The following PHKA1 variants were observed in gnomAD, a reference collection of about 807,000 sequenced individuals.
The protein encoded by PHKA1 is phosphorylase b kinase regulatory subunit alpha, skeletal muscle isoform.
Under a neutral mutation model 110.2 loss-of-function variants are expected in PHKA1, and 60 were observed. That is an observed-to-expected ratio of 0.54 (90% CI 0.44 to 0.68). PHKA1 has a LOEUF of 0.68. PHKA1 is among the 30% of genes least tolerant of loss of function. PHKA1 has a pLI of 0.00. For synonymous variants in PHKA1, 316 were observed against 333.6 expected, an observed-to-expected ratio of 0.95 and a Z score of 0.58; for missense variants, 801 against 942.5, an observed-to-expected ratio of 0.85 and a Z score of 1.97.
rs782224272 is a variant in PHKA1, at chrX:72,652,623, G to A, written c.1166C>T (p.Thr389Ile). The change falls in exon 12 of 32, where the codon ACT becomes ATT. Residue 389 changes from threonine (T) to isoleucine (I), a missense_variant. Physicochemically the swap from Thr to Ile is moderately conservative, Grantham distance 89 (BLOSUM62 -1). Around this residue, in one of 2 missense-constraint regions of PHKA1, gnomAD observed 299 missense variants for 423.3 expected, o/e 0.71. Transcript: ENST00000373542. ...TTTCCCCATGGGGACTCGGTCCACA[G>A]TGTGAGGATTCTGATATTCTTCATC... ...RVDEEYQNPH[T>I]VDRVPMGKLP... 1.2e-5 allele frequency: 14 copies of A among 1,177,581 alleles called. No individual in the cohort carries two copies. The South Asian group carries it at 2.1e-4, about 18-fold the overall frequency.
At position 72,713,933 on chromosome X, in the gene PHKA1, C is replaced by T. The variant is rs2147856208; in HGVS notation, c.-53G>A. On this transcript the variant is annotated 5_prime_UTR_variant, in exon 1 of 32. Coordinates refer to ENST00000373542, the MANE Select transcript of PHKA1 (RefSeq NM_002637.4). ...GAAATAGCCCGGGTGCCACCGGAGC[C>T]TTCGGTCCCTAAGGAACAAGTATCC... 1.1e-6 allele frequency: 1 copy of T among 921,198 alleles called. No homozygotes were observed. The highest frequency in any genetic ancestry group is 3.1e-5 in the East Asian group (1 of 31,762). 75.9% of individuals were successfully genotyped at this position (921,198 alleles called of 1,213,427 possible). A position where few individuals can be genotyped will look rare whatever the true frequency, so the allele number is the denominator to read the frequency against.
At chrX:72,710,454 C>T (rs1556334101) in intron 2 of PHKA1, among the ~76,000 whole-genome samples, 1 of 112,112 alleles carries the variant, frequency 8.9e-6, no homozygotes, top group Non-Finnish European at 1.9e-5. Flanking sequence ...GCACCACAAT[C>T]ACAGAGCTGA....
chrX:72,646,850 G>T (rs1049844589), intron 13 of PHKA1, among the ~76,000 whole-genome samples: 4 of 111,263 alleles, frequency 3.6e-5, no homozygotes, highest in African/African-American at 1.3e-4. Context: ...TTACTACAGG[G>T]CCAGGCGCTG....
In PHKA1 at chrX:72,627,505, T is replaced by C. The variant is rs1392225201; in HGVS notation, c.1715-456A>G. ...AAGCTAACAATTACCTGATTTTATG[T>C]GGAAGTAATCATACTACATATACTC... is the stretch of plus-strand genomic sequence containing the variant. On this transcript the variant is annotated intron_variant, in intron 16 of 31. Coordinates refer to ENST00000373542, the MANE Select transcript of PHKA1 (RefSeq NM_002637.4). Among the ~76,000 whole-genome samples, 19 of 112,445 alleles carry C rather than the reference T, an allele frequency of 1.7e-4. No individual in the cohort carries two copies. The Admixed American group carries it at 1.8e-3, about 11-fold the overall frequency.
rs2054261382 is a variant in PHKA1, at chrX:72,705,061, A to G, written c.285+137T>C. On this transcript the variant is annotated intron_variant, in intron 3 of 31. Coordinates refer to ENST00000373542, the MANE Select transcript of PHKA1 (RefSeq NM_002637.4). ...TTATGGGTGACATTATCCCTCTCCAATTTTCAAAATTTTCTAAAATTAGTG... is the reference window on the plus strand; with the variant it reads ...TTATGGGTGACATTATCCCTCTCCAGTTTTCAAAATTTTCTAAAATTAGTG... 2.8e-5 allele frequency: 13 copies of G among 466,398 alleles called. No individual in the cohort carries two copies. In the Admixed American group the frequency reaches 2.9e-4, roughly 11 times the overall value. The allele number at this position is 466,398 out of a possible 1,213,427, so 38.4% of individuals were successfully genotyped here.
intron 9 of PHKA1, 34 bp downstream of exon 9, chrX:72,657,554 T>A: frequency 8.9e-7 from 1 of 1,117,603 alleles, no homozygotes; most frequent in Non-Finnish European, 1.2e-6. Context: ...GTGGCCATTC[T>A]ACCTTGGATT....
intron 3 of PHKA1, among the ~76,000 whole-genome samples, chrX:72,701,844 A>T (rs1027272800): frequency 3.6e-5 from 4 of 112,417 alleles, no homozygotes; most frequent in Non-Finnish European, 5.6e-5. Flanking sequence ...AAGTATAATA[A>T]GCAAACCAGT....
chrX:72,647,129 C>CA (rs371176636), intron 13 of PHKA1, among the ~76,000 whole-genome samples: 416 of 80,545 alleles, frequency 5.2e-3, no homozygotes, highest in African/African-American at 0.01. Flanking sequence ...GACTCCATCT[C>CA]AAAAAAAAAA....
intron 30 of PHKA1, 122 bp from the exon 31 acceptor site, chrX:72,582,720 T>C: frequency 1.9e-6 from 1 of 533,089 alleles, no homozygotes; most frequent in Non-Finnish European, 3.4e-6. Context: ...CCCTTCAAAA[T>C]AACTGAGTGA....
In PHKA1 at chrX:72,605,552, T is replaced by C. The variant is rs782179738; in HGVS notation, c.2674A>G (p.Ile892Val). Residue 892 changes from isoleucine (I) to valine (V), a missense_variant, in exon 24 of 32, where the codon ATC (isoleucine) becomes GTC (valine). Ile to Val is a conservative substitution (Grantham distance 29). Coordinates refer to ENST00000373542, the MANE Select transcript of PHKA1 (RefSeq NM_002637.4). The part of the protein sequence containing the change: ...EASEGDMSIS[I>V]LTQEIMVYLA... ...ACAATTCTTCTCACCTGTGTAAGGA[T>C]TGAAATGCTCATATCCCCTTCACTG... The C allele has an allele frequency of 1.6e-5, 19 of 1,202,793 alleles. No homozygotes were observed. Among genetic ancestry groups the C allele is most frequent in the Admixed American group, 2.2e-5 (1 of 45,747 alleles).
chrX:72,623,674 T>C (rs964199545), intron 17 of PHKA1, among the ~76,000 whole-genome samples: 8 of 110,674 alleles, frequency 7.2e-5, no homozygotes, highest in Non-Finnish European at 1.3e-4. Flanking sequence ...CATTTGAACA[T>C]AAAGGATGGT....
intron 8 of PHKA1, among the ~76,000 whole-genome samples, chrX:72,659,623 G>A (rs1556303205): frequency 8.9e-6 from 1 of 111,838 alleles, no homozygotes; most frequent in African/African-American, 3.3e-5. Context: ...TTCCCTATGT[G>A]TAACAGTGAG....
intron 6 of PHKA1, among the ~76,000 whole-genome samples, chrX:72,669,372 G>A (rs1400210132): frequency 1.8e-5 from 2 of 110,658 alleles, no homozygotes; most frequent in Middle Eastern, 8.4e-3. Flanking sequence ...TGTTGTTGTT[G>A]TTGTTTTTAA....
intron 28 of PHKA1, among the ~76,000 whole-genome samples, chrX:72,595,234 G>A (rs782132194): frequency 9.0e-6 from 1 of 110,875 alleles, no homozygotes; most frequent in South Asian, 3.9e-4. Context: ...AACAAAATTC[G>A]ACACACCTTC....
chrX:72,605,601 C>T lies in PHKA1; in HGVS notation c.2625G>A (p.Ala875=), dbSNP rs781930090. The T allele has an allele frequency of 1.0e-5, 12 of 1,201,682 alleles. No homozygotes were observed. The highest frequency in any genetic ancestry group is 2.2e-5 in the Admixed American group (1 of 45,744). ...TGGCTTCATCTATCAGCTGAGTGAGCGCCTCATAGGGCAGAGGTCTAAGGA... is the reference window on the plus strand; with the variant it reads ...TGGCTTCATCTATCAGCTGAGTGAGTGCCTCATAGGGCAGAGGTCTAAGGA... ...KTISAPLPYE[A]LTQLIDEASE... Residue 875 remains alanine (A), a synonymous_variant, in exon 24 of 32, where the codon GCG becomes GCA. Coordinates refer to ENST00000373542, the MANE Select transcript of PHKA1 (RefSeq NM_002637.4).
At chrX:72,606,971 G>GAACT (rs2147683732) in intron 23 of PHKA1, among the ~76,000 whole-genome samples, 1 of 111,659 alleles carries the variant, frequency 9.0e-6, no homozygotes, top group East Asian at 2.8e-4. Flanking sequence ...GAGAACATGT[G>GAACT]AACTTTGTCT....
At chrX:72,666,684 T>C (rs782029093) in intron 7 of PHKA1, among the ~76,000 whole-genome samples, 1 of 111,906 alleles carries the variant, frequency 8.9e-6, no homozygotes, top group Non-Finnish European at 1.9e-5. Flanking sequence ...GTTGCTCCAT[T>C]AGCAACTACT....
At chrX:72,598,528 T>C (rs781826082) in intron 28 of PHKA1, among the ~76,000 whole-genome samples, 1 of 111,630 alleles carries the variant, frequency 9.0e-6, no homozygotes, top group Non-Finnish European at 1.9e-5. Flanking sequence ...TGAAAACATA[T>C]GTCCATACAA....
At chrX:72,667,890 A>T (rs2053633439) in intron 6 of PHKA1, among the ~76,000 whole-genome samples, 2 of 112,098 alleles carry the variant, frequency 1.8e-5, no homozygotes, top group Admixed American at 1.9e-4. Context: ...AAGTACAGAG[A>T]GGGCAAGAAA....
Sources: gnomAD v4.1 joint callset for allele counts (sites outside exome capture counted in the v4.1 genomes callset) on GRCh38, gnomAD v4.1.1 for gene constraint, gnomAD v4.1.1 regional missense constraint, MANE v1.5 for transcripts, NCBI Gene and HGNC (gene_info 2026-07-23, HGNC 2026-07-21) for gene names.